HIVEP3: variants seen among roughly 807,000 people sequenced by gnomAD.
The protein encoded by HIVEP3 is transcription factor HIVEP3.
A neutral mutation model predicts 152.8 loss-of-function variants in HIVEP3; 49 were observed. The observed-to-expected ratio is 0.32, with a 90% CI of 0.26 to 0.41. The LOEUF (loss-of-function observed/expected upper bound fraction) is 0.41. Ranked by LOEUF, HIVEP3 falls within the 10% of genes least tolerant of loss-of-function variation. The pLI, the probability that HIVEP3 is intolerant of heterozygous loss-of-function variation, is 1.00. For synonymous variants in HIVEP3, 1,269 were observed against 1,289.0 expected (o/e 0.98, Z 0.33); for missense variants, 2,790 against 3,103.3 (o/e 0.90, Z 2.40).
intron 2 of HIVEP3, among the ~76,000 whole-genome samples, chr1:41,696,165 C>T (rs767595437): frequency 6.6e-6 from 1 of 152,248 alleles, no homozygotes; most frequent in South Asian, 2.1e-4. Flanking sequence ...CCAGTCCACA[C>T]CCCTGAGGGC....
chr1:41,975,240 C>T (rs996005566), intron 1 of HIVEP3, among the ~76,000 whole-genome samples: 1 of 152,226 alleles, frequency 6.6e-6, no homozygotes. Flanking sequence ...CTGCTTCCCT[C>T]ATTCCCCCAC....
At chr1:41,919,524 ATACT>A (rs1282034869), upstream of HIVEP3, among the ~76,000 whole-genome samples, 1 of 152,228 alleles carries the variant, frequency 6.6e-6, no homozygotes, top group Non-Finnish European at 1.5e-5. Context: ...ATTCCAAGAC[ATACT>A]TTCTTTCAAC....
intron 5 of HIVEP3, among the ~76,000 whole-genome samples, chr1:41,541,363 A>T (rs749994066): frequency 2.0e-5 from 3 of 152,154 alleles, no homozygotes; most frequent in Non-Finnish European, 4.4e-5. Context: ...CTATTTAGGG[A>T]TGCCTGTTGT....
At chr1:41,603,485 C>G (rs12066106) in intron 3 of HIVEP3, among the ~76,000 whole-genome samples, 50,981 of 151,898 alleles carry the variant, frequency 0.34, 11,382 homozygotes, top group African/African-American at 0.6. Context: ...TCAGCCTCCT[C>G]AGCAGCTGGG....
chr1:41,541,501 T>A (rs1643531216), intron 5 of HIVEP3, among the ~76,000 whole-genome samples: 1 of 152,144 alleles, frequency 6.6e-6, no homozygotes, highest in African/African-American at 2.4e-5. Context: ...CCACAGCAGA[T>A]CTGCAGGCCT....
intron 1 of HIVEP3, among the ~76,000 whole-genome samples, chr1:41,948,237 A>G (rs1337575995): frequency 1.3e-5 from 2 of 152,246 alleles, no homozygotes; most frequent in Non-Finnish European, 2.9e-5. Flanking sequence ...CACTCCAGGA[A>G]CTAGTGCTCA....
intron 2 of HIVEP3, among the ~76,000 whole-genome samples, chr1:41,678,163 T>C (rs1245282227): frequency 6.6e-6 from 1 of 152,222 alleles, no homozygotes; most frequent in African/African-American, 2.4e-5. Flanking sequence ...TCTCCTCTGT[T>C]GTTTACTCTC....
At chr1:42,015,973 C>T (rs1236242416) in intron 1 of HIVEP3, among the ~76,000 whole-genome samples, 1 of 152,200 alleles carries the variant, frequency 6.6e-6, no homozygotes, top group African/African-American at 2.4e-5. Context: ...AATAATTAGA[C>T]ACTGTAATTG....
chr1:41,882,402 A>C (rs1644276725), intron 1 of HIVEP3, among the ~76,000 whole-genome samples: 2 of 152,188 alleles, frequency 1.3e-5, no homozygotes, highest in Non-Finnish European at 2.9e-5. Context: ...GGCCAATCCC[A>C]GCCCCTGCAT....
chr1:42,017,440 C>T (rs1483379727), intron 1 of HIVEP3, among the ~76,000 whole-genome samples: 1 of 152,106 alleles, frequency 6.6e-6, no homozygotes, highest in Admixed American at 6.6e-5. Flanking sequence ...ATGACTCACA[C>T]CCTAAAAGTC....
chr1:41,889,363 GGA>G (rs1485336888), intron 1 of HIVEP3, among the ~76,000 whole-genome samples: 2 of 152,270 alleles, frequency 1.3e-5, no homozygotes, highest in East Asian at 3.9e-4. Flanking sequence ...CAGGAGTTGT[GGA>G]GTCACTGACA....
chr1:41,544,829 C>CGCT (rs1558046182), intron 5 of HIVEP3, among the ~76,000 whole-genome samples: 13 of 72,988 alleles, frequency 1.8e-4, no homozygotes, highest in Non-Finnish European at 2.8e-4. Context: ...CTACCACCAC[C>CGCT]ATCACCACCA....
intron 1 of HIVEP3, among the ~76,000 whole-genome samples, chr1:42,034,410 A>G (rs188718742): frequency 2.4e-4 from 37 of 152,384 alleles, no homozygotes; most frequent in Non-Finnish European, 2.4e-4. Context: ...CTGGTGTTGC[A>G]GAACCGGCAG....
chr1:41,738,277 C>T (rs764351753), intron 1 of HIVEP3, among the ~76,000 whole-genome samples: 4 of 152,160 alleles, frequency 2.6e-5, no homozygotes, highest in Non-Finnish European at 5.9e-5. Flanking sequence ...GCGCAGAAAT[C>T]GCAGGCACTG....
chr1:41,832,629 C>G (rs1642997158), intron 1 of HIVEP3, among the ~76,000 whole-genome samples: 1 of 152,172 alleles, frequency 6.6e-6, no homozygotes, highest in Admixed American at 6.5e-5. Flanking sequence ...CGTCTTTTTC[C>G]CTCTAGGATG....
At chr1:41,550,842 C>A (rs562591618) in intron 5 of HIVEP3, among the ~76,000 whole-genome samples, 1 of 152,190 alleles carries the variant, frequency 6.6e-6, no homozygotes, top group Admixed American at 6.5e-5. Context: ...TTGACTTCCT[C>A]TTTTTCTAAT....
At chr1:41,659,329 C>T (rs1026359397) in intron 2 of HIVEP3, among the ~76,000 whole-genome samples, 4 of 152,214 alleles carry the variant, frequency 2.6e-5, no homozygotes, top group African/African-American at 9.6e-5. Context: ...CTGGCATTCT[C>T]CATCACACAG....
chr1:41,950,380 A>G (rs1645099833), intron 1 of HIVEP3, among the ~76,000 whole-genome samples: 1 of 152,240 alleles, frequency 6.6e-6, no homozygotes, highest in Admixed American at 6.5e-5. Context: ...CAGCCCCAAG[A>G]GTATTTCCAA....
intron 1 of HIVEP3, among the ~76,000 whole-genome samples, chr1:41,790,154 C>T (rs1378971865): frequency 2.0e-5 from 3 of 152,132 alleles, no homozygotes; most frequent in Admixed American, 6.5e-5. Flanking sequence ...GAAATTGGAT[C>T]CCAGTGGTGG....
Sources: gnomAD v4.1 joint callset for allele counts (sites outside exome capture counted in the v4.1 genomes callset) on GRCh38, gnomAD v4.1.1 for gene constraint, MANE v1.5 for transcripts, NCBI Gene and HGNC (gene_info 2026-07-23, HGNC 2026-07-21) for gene names.